The following KTN1 variants were observed in gnomAD, a reference collection of about 807,000 sequenced individuals.
KTN1 encodes kinectin.
Under a neutral mutation model 222.5 loss-of-function variants are expected in KTN1, and 130 were observed. The observed-to-expected ratio is 0.58, with a 90% CI of 0.51 to 0.68. KTN1 has a LOEUF of 0.68. KTN1 is among the 30% of genes least tolerant of loss of function. The pLI, the probability that KTN1 is intolerant of heterozygous loss-of-function variation, is 0.00. For missense variants in KTN1, 1,508 were observed against 1,500.4 expected (o/e 1.01, Z -0.08); for synonymous variants, 512 against 496.3 (o/e 1.03, Z -0.42).
chr14:55,671,813 G>T lies in KTN1; in HGVS notation c.3467G>T (p.Ser1156Ile). Residue 1156 changes from serine (S) to isoleucine (I), a missense_variant, in exon 37 of 44, where the codon AGT (serine) becomes ATT (isoleucine). By Grantham distance (142) the Ser-to-Ile change is moderately radical. Transcript: ENST00000395314. ...GGAATTTTACAGAAGCTACAGAGAAGTGTTGAGCAAGAAGAAAATAAATGG... is the reference window on the plus strand; with the variant it reads ...GGAATTTTACAGAAGCTACAGAGAATTGTTGAGCAAGAAGAAAATAAATGG... ...TEGILQKLQR[S>I]VEQEENKWKV... 1.2e-6 allele frequency: 2 copies of T among 1,611,066 alleles called. No homozygotes were observed. The highest frequency in any genetic ancestry group is 1.7e-6 in the Non-Finnish European group (2 of 1,177,372).
intron 43 of KTN1, 149 bp downstream of exon 43, chr14:55,679,834 G>T: frequency 1.2e-6 from 1 of 810,014 alleles, no homozygotes; most frequent in Non-Finnish European, 2.0e-6. Context: ...AGCTTTCTTG[G>T]AGCTTTAGTT....
At chr14:55,637,050 A>G in intron 10 of KTN1, 148 bp from the exon 11 acceptor site, 1 of 530,710 alleles carries the variant, frequency 1.9e-6, no homozygotes. Flanking sequence ...CATGAAACGC[A>G]AGTATAGCCT....
At position 55,650,751 on chromosome 14, in the gene KTN1, T is replaced by C. The variant is rs117828597; in HGVS notation, c.2565+114T>C. 4.6e-3 allele frequency: 2,923 copies of C among 632,472 alleles called. 10 individuals are homozygous for C. The highest frequency in any genetic ancestry group is 6.5e-3 in the Non-Finnish European group (2,385 of 366,096). The allele number at this position is 632,472 out of a possible 1,614,324, so 39.2% of individuals were successfully genotyped here. On this transcript the variant is annotated intron_variant, in intron 24 of 43. Transcript: ENST00000395314. Reference sequence around the variant, plus strand: ...CTTAGTATGCTGTAGGTATATTGGGTTATGTGCTTTTAATTTTATTTTTTG... The same window carrying C: ...CTTAGTATGCTGTAGGTATATTGGGCTATGTGCTTTTAATTTTATTTTTTG...
At chr14:55,621,989 C>T (rs1314973559) in intron 5 of KTN1, among the ~76,000 whole-genome samples, 5 of 151,588 alleles carry the variant, frequency 3.3e-5, no homozygotes, top group Non-Finnish European at 7.4e-5. Context: ...GCTGGGATTA[C>T]AGGCATGCAC....
chr14:55,681,402 T>C (rs556648527), intron 43 of KTN1: 1 of 152,332 alleles, frequency 6.6e-6, no homozygotes, highest in Non-Finnish European at 1.5e-5. Flanking sequence ...TAGCATCTCA[T>C]AGATGTTCTT....
At chr14:55,600,909 A>T (rs1369472733) in intron 1 of KTN1, among the ~76,000 whole-genome samples, 1 of 152,018 alleles carries the variant, frequency 6.6e-6, no homozygotes, top group Admixed American at 6.6e-5. Context: ...TTTTAACCAG[A>T]TTATTTCCCA....
At chr14:55,632,238 A>G (rs1439930719) in intron 7 of KTN1, among the ~76,000 whole-genome samples, 2 of 152,198 alleles carry the variant, frequency 1.3e-5, no homozygotes, top group African/African-American at 4.8e-5. Flanking sequence ...TTGTAGCAGC[A>G]TCTTTTGTTG....
intron 1 of KTN1, among the ~76,000 whole-genome samples, chr14:55,600,835 T>C (rs1439272088): frequency 6.6e-6 from 1 of 151,970 alleles, no homozygotes; most frequent in African/African-American, 2.4e-5. Context: ...GTTATTACTT[T>C]TTTGGTATTA....
At chr14:55,639,351 A>G in intron 13 of KTN1, 129 bp downstream of exon 13, 2 of 493,388 alleles carry the variant, frequency 4.1e-6, no homozygotes, top group Non-Finnish European at 7.1e-6. Flanking sequence ...CTAGATTTGG[A>G]GCAACTTTTG....
chr14:55,607,179 T>C (rs2036848546), intron 1 of KTN1, among the ~76,000 whole-genome samples: 1 of 152,242 alleles, frequency 6.6e-6, no homozygotes, highest in Non-Finnish European at 1.5e-5. Flanking sequence ...GAGAAGTTTG[T>C]AAAATTTAAC....
intron 15 of KTN1, 84 bp from the exon 16 acceptor site, chr14:55,640,849 T>C: frequency 9.1e-7 from 1 of 1,102,410 alleles, no homozygotes; most frequent in Non-Finnish European, 1.4e-6. Context: ...AAATACAGCT[T>C]TTTAATATGT....
At chr14:55,630,556 C>T (rs1330441116) in intron 7 of KTN1, among the ~76,000 whole-genome samples, 1 of 151,982 alleles carries the variant, frequency 6.6e-6, no homozygotes, top group Non-Finnish European at 1.5e-5. Flanking sequence ...TGAGTGCACT[C>T]CAGGTGTTAC....
In KTN1 at chr14:55,587,155, A is replaced by G. The variant is rs762508194; in HGVS notation, c.-31+6801A>G. On this transcript the variant is annotated intron_variant, in intron 1 of 43. Coordinates refer to ENST00000395314, the MANE Select transcript of KTN1 (RefSeq NM_001079521.2). ...ATGTCTGACACCTAGCTAGTGCTCA[A>G]TTTGAATGAATGGATGGTCTGATGC... is the stretch of plus-strand genomic sequence containing the variant. Among the ~76,000 whole-genome samples the G allele has an allele frequency of 6.6e-5, 10 of 152,162 alleles. No individual in the cohort carries two copies. The East Asian group carries it at 1.5e-3, about 23-fold the overall frequency.
intron 12 of KTN1, 130 bp from the exon 13 acceptor site, chr14:55,639,055 A>C (rs1420942324): frequency 1.7e-6 from 1 of 593,906 alleles, no homozygotes. Flanking sequence ...AACACTTACC[A>C]TGGGCCAGAT....
At chr14:55,621,574 T>C (rs2039134075) in intron 5 of KTN1, among the ~76,000 whole-genome samples, 1 of 152,148 alleles carries the variant, frequency 6.6e-6, no homozygotes, top group South Asian at 2.1e-4. Flanking sequence ...GGATTTTCCC[T>C]TTTAAAACCC....
In KTN1 at chr14:55,605,978, A is replaced by C. The variant is rs977015535; in HGVS notation, c.-30-6041A>C. ...CTGTTTAAAAAAAAATAAGATAGTAATGTGGGTTTAAAGAAAGGTAAACAT... is the reference window on the plus strand; with the variant it reads ...CTGTTTAAAAAAAAATAAGATAGTACTGTGGGTTTAAAGAAAGGTAAACAT... On this transcript the variant is annotated intron_variant, in intron 1 of 43. Transcript: ENST00000395314. 2.0e-5 allele frequency among the ~76,000 whole-genome samples: 3 copies of C among 152,198 alleles called. No homozygotes were observed. The East Asian group carries it at 5.8e-4, about 29-fold the overall frequency.
rs201621083 is a variant in KTN1 at position 55,679,695 on chromosome 14, A to G, written c.4069+10A>G. The G allele has an allele frequency of 9.9e-6, 16 of 1,613,310 alleles. No homozygotes were observed. In the African/African-American group the frequency reaches 2.0e-4, roughly 20 times the overall value. On this transcript the variant is annotated intron_variant, in intron 43 of 43. Transcript: ENST00000395314. ...CACTACCAGGTGTTAGGTAAGGACA[A>G]CTGAAATATTGCTGTCTATGGGTAA...
chr14:55,667,460 G>A (rs1470439639), intron 34 of KTN1, 130 bp downstream of exon 34: 4 of 482,168 alleles, frequency 8.3e-6, no homozygotes, highest in Non-Finnish European at 1.4e-5. Context: ...TGTTAAGCTG[G>A]TGCTTTTCAG....
At chr14:55,659,058 AGT>A (rs2043818535) in intron 30 of KTN1, among the ~76,000 whole-genome samples, 1 of 152,126 alleles carries the variant, frequency 6.6e-6, no homozygotes, top group Non-Finnish European at 1.5e-5. Flanking sequence ...GTAAATCAAA[AGT>A]GTGTTTTTAT....
Sources: gnomAD v4.1 joint callset for allele counts (sites outside exome capture counted in the v4.1 genomes callset) on GRCh38, gnomAD v4.1.1 for gene constraint, MANE v1.5 for transcripts, NCBI Gene and HGNC (gene_info 2026-07-23, HGNC 2026-07-21) for gene names.